HIPK2: variants seen among roughly 807,000 people sequenced by gnomAD.
HIPK2 encodes the protein homeodomain interacting protein kinase 2.
In HIPK2, 27 loss-of-function variants were observed where a neutral mutation model predicts 113.7. That is an observed-to-expected ratio of 0.24 (90% confidence interval 0.17 to 0.33). HIPK2 has a LOEUF of 0.33. Among genes scored for constraint, HIPK2 ranks in the 10% least tolerant of loss-of-function variants. The probability of loss-of-function intolerance (pLI) is 1.00; values close to 1 mark genes in which losing one functional copy is unlikely to be tolerated. For synonymous variants in HIPK2, 631 were observed against 642.2 expected (o/e 0.98, Z 0.26); for missense variants, 1,257 against 1,588.0 (o/e 0.79, Z 3.54).
At chr7:139,730,755 T>C (rs1263527721) in intron 1 of HIPK2, among the ~76,000 whole-genome samples, 2 of 152,206 alleles carry the variant, frequency 1.3e-5, no homozygotes, top group African/African-American at 4.8e-5. Flanking sequence ...CCTGTGAATG[T>C]GATCTTTTTT....
chr7:139,664,330 G>A (rs1160700181), intron 2 of HIPK2, among the ~76,000 whole-genome samples: 1 of 152,140 alleles, frequency 6.6e-6, no homozygotes, highest in Non-Finnish European at 1.5e-5. Flanking sequence ...CTGAGGTCAG[G>A]AGTTCGAGAC....
chr7:139,613,462 G>A lies in HIPK2; in HGVS notation c.1991-139C>T. Reference sequence around the variant, plus strand: ...ACTGACAACAACCAGGTATTGCCTGGTCCTTGGAAGTCTCCCCTTTGGCTT... The same window carrying A: ...ACTGACAACAACCAGGTATTGCCTGATCCTTGGAAGTCTCCCCTTTGGCTT... On this transcript the variant is annotated intron_variant, in intron 8 of 14. Transcript: ENST00000406875. This position sits in a 1 kb window ranked among gnomAD's most constrained non-coding sequence, Gnocchi z 4.2. 4 of 917,536 alleles carry A rather than the reference G, an allele frequency of 4.4e-6. No individual in the cohort carries two copies. The highest frequency in any genetic ancestry group is 6.4e-6 in the Non-Finnish European group (4 of 627,208). The allele number at this position is 917,536 out of a possible 1,614,324, so 56.8% of individuals were successfully genotyped here. A position where few individuals can be genotyped will look rare whatever the true frequency, so the allele number is the denominator to read the frequency against.
intron 2 of HIPK2, among the ~76,000 whole-genome samples, chr7:139,708,730 G>C (rs1794980731): frequency 6.6e-6 from 1 of 152,204 alleles, no homozygotes; most frequent in South Asian, 2.1e-4. Context: ...GCATGTCCAA[G>C]CATGCTTGCT....
chr7:139,715,459 G>C (rs549067759), intron 2 of HIPK2, among the ~76,000 whole-genome samples: 1 of 152,208 alleles, frequency 6.6e-6, no homozygotes, highest in Non-Finnish European at 1.5e-5. Context: ...GGATACAGTT[G>C]CAATTCCTTG....
At position 139,613,348 on chromosome 7, in the gene HIPK2, G is replaced by A. The variant is rs534322960; in HGVS notation, c.1991-25C>T. On this transcript the variant is annotated intron_variant, in intron 8 of 14. Coordinates refer to ENST00000406875, the MANE Select transcript of HIPK2 (RefSeq NM_022740.5). The surrounding 1 kb of genome is among the most constrained non-coding windows in gnomAD (Gnocchi z 4.2). ...CCTGTTCCAGACAGTGTGAGGGAGAGAAGGGTTAGCTGAGACGCTGTGAAC... is the reference window on the plus strand; with the variant it reads ...CCTGTTCCAGACAGTGTGAGGGAGAAAAGGGTTAGCTGAGACGCTGTGAAC... 1.2e-5 allele frequency: 20 copies of A among 1,611,998 alleles called. No individual in the cohort carries two copies. In the South Asian group the frequency reaches 2.2e-4, roughly 18 times the overall value.
intron 2 of HIPK2, among the ~76,000 whole-genome samples, chr7:139,667,556 G>A (rs1802091740): frequency 2.6e-5 from 4 of 152,098 alleles, no homozygotes; most frequent in Admixed American, 2.6e-4. Flanking sequence ...CACTAATCTG[G>A]TGCTGAATCA....
intron 2 of HIPK2, among the ~76,000 whole-genome samples, chr7:139,710,999 A>C: frequency 8.1e-6 from 1 of 123,824 alleles, no homozygotes. Context: ...GAGTCAATTA[A>C]ACCTTTTTTT....
chr7:139,704,787 C>T (rs928772522), intron 2 of HIPK2, among the ~76,000 whole-genome samples: 1 of 152,014 alleles, frequency 6.6e-6, no homozygotes, highest in Non-Finnish European at 1.5e-5. Flanking sequence ...AGGCCTCCAG[C>T]GCCCCGTCCC....
At chr7:139,657,848 C>T (rs190089936) in intron 2 of HIPK2, among the ~76,000 whole-genome samples, 354 of 152,336 alleles carry the variant, frequency 2.3e-3, no homozygotes, top group Non-Finnish European at 4.0e-3. Context: ...TAAGTGCTCA[C>T]GAAAACACAA....
At chr7:139,575,807 G>C (rs1660115473) in intron 13 of HIPK2, among the ~76,000 whole-genome samples, 1 of 152,218 alleles carries the variant, frequency 6.6e-6, no homozygotes, top group African/African-American at 2.4e-5. Context: ...GAGTGGGTTA[G>C]CTATTGAGAG....
chr7:139,726,277 T>C (rs140893027), intron 1 of HIPK2, among the ~76,000 whole-genome samples: 14 of 152,246 alleles, frequency 9.2e-5, no homozygotes, highest in African/African-American at 3.4e-4. Flanking sequence ...GGAAAGCTGG[T>C]CCAGAGGGGT....
At chr7:139,574,880 G>A (rs923594662) in intron 14 of HIPK2, among the ~76,000 whole-genome samples, 4 of 152,230 alleles carry the variant, frequency 2.6e-5, no homozygotes, top group Non-Finnish European at 5.9e-5. Context: ...GTCACTAAGG[G>A]CTTTGTAACA....
intron 2 of HIPK2, among the ~76,000 whole-genome samples, chr7:139,679,820 C>CA (rs1331150444): frequency 3.9e-5 from 6 of 152,092 alleles, no homozygotes; most frequent in African/African-American, 1.4e-4. Flanking sequence ...TAAAGAAACT[C>CA]AAACATTGAC....
chr7:139,698,449 T>C (rs891551015), intron 2 of HIPK2, among the ~76,000 whole-genome samples: 4 of 152,226 alleles, frequency 2.6e-5, no homozygotes, highest in African/African-American at 4.8e-5. Context: ...GAGTCCTTGT[T>C]TGCACTTCTT....
chr7:139,670,508 G>C (rs1055399441), intron 2 of HIPK2, among the ~76,000 whole-genome samples: 4 of 151,342 alleles, frequency 2.6e-5, no homozygotes, highest in South Asian at 2.1e-4. Flanking sequence ...TTGAGCCTAG[G>C]AGACTGAGGT....
At chr7:139,662,010 C>T (rs1801883124) in intron 2 of HIPK2, among the ~76,000 whole-genome samples, 1 of 152,208 alleles carries the variant, frequency 6.6e-6, no homozygotes, top group South Asian at 2.1e-4. Flanking sequence ...ATTATTCTCA[C>T]CAACTGTTAT....
At chr7:139,637,251 C>CA (rs1382541179) in intron 2 of HIPK2, among the ~76,000 whole-genome samples, 25 of 152,306 alleles carry the variant, frequency 1.6e-4, no homozygotes, top group African/African-American at 6.0e-4. Flanking sequence ...GATGGCACCC[C>CA]ACCCCCTTGC....
chr7:139,730,274 GT>G (rs1344409115), intron 1 of HIPK2, among the ~76,000 whole-genome samples: 4 of 152,042 alleles, frequency 2.6e-5, no homozygotes, highest in Admixed American at 2.0e-4. Flanking sequence ...CTTCAGAAAT[GT>G]TTGTGGCACA....
intron 4 of HIPK2, 120 bp from the exon 5 acceptor site, chr7:139,629,159 G>A (rs2116884846): frequency 1.3e-6 from 1 of 763,984 alleles, no homozygotes. Flanking sequence ...AAGAGATTTT[G>A]ATTCTTCAAT....
Sources: gnomAD v4.1 joint callset for allele counts (sites outside exome capture counted in the v4.1 genomes callset) on GRCh38, gnomAD v4.1.1 for gene constraint, Gnocchi (gnomAD v3.1) non-coding constraint, MANE v1.5 for transcripts, NCBI Gene and HGNC (gene_info 2026-07-23, HGNC 2026-07-21) for gene names.